ACACA: variants seen among roughly 807,000 people sequenced by gnomAD.
The protein encoded by ACACA is acetyl-CoA carboxylase 1.
Under a neutral mutation model 296.1 loss-of-function variants are expected in ACACA, and 103 were observed. The ratio of observed to expected loss-of-function variants is 0.35; its 90% CI spans 0.30 to 0.41. The LOEUF is 0.41. Among genes scored for constraint, ACACA ranks in the 10% least tolerant of loss-of-function variants. ACACA has a pLI of 1.00. For missense variants in ACACA, 1,554 were observed against 2,989.7 expected (o/e 0.52, Z 11.20); for synonymous variants, 953 against 1,038.6 (o/e 0.92, Z 1.58).
chr17:37,097,679 G>T lies in ACACA; in HGVS notation c.6720+151C>A. The T allele has an allele frequency of 3.1e-6, 3 of 975,162 alleles. No individual in the cohort carries two copies. The highest frequency in any genetic ancestry group is 4.5e-6 in the Non-Finnish European group (3 of 661,956). 60.4% of individuals were successfully genotyped at this position (975,162 alleles called of 1,614,324 possible). A position where few individuals can be genotyped will look rare whatever the true frequency, so the allele number is the denominator to read the frequency against. The stretch of plus-strand genomic sequence containing the variant: ...AGATGATAACAGTTACAGAAACAGT[G>T]AAAATCTAAAAAATATTGAAAATGT... On this transcript the variant is annotated intron_variant, in intron 53 of 55. Coordinates refer to ENST00000616317, the MANE Select transcript of ACACA (RefSeq NM_198834.3). This position sits in a 1 kb window ranked among gnomAD's most constrained non-coding sequence, Gnocchi z 4.8.
intron 41 of ACACA, among the ~76,000 whole-genome samples, chr17:37,166,822 C>T (rs1355027220): frequency 6.6e-6 from 1 of 152,172 alleles, no homozygotes; most frequent in Non-Finnish European, 1.5e-5. Flanking sequence ...TAGTACAGAG[C>T]CTGGCACACA....
At chr17:37,237,845 C>T (rs750875685) in intron 24 of ACACA, among the ~76,000 whole-genome samples, 2 of 152,286 alleles carry the variant, frequency 1.3e-5, no homozygotes, top group South Asian at 2.1e-4. Flanking sequence ...ACTACAGCCT[C>T]GACCTCCCCA....
chr17:37,390,519 C>T (rs111907550), intron 1 of ACACA, among the ~76,000 whole-genome samples: 1,704 of 147,190 alleles, frequency 0.012, 15 homozygotes, highest in Non-Finnish European at 0.017. Context: ...CCCAGCTACT[C>T]GGGAGGCTGA....
intron 41 of ACACA, among the ~76,000 whole-genome samples, chr17:37,166,549 T>G (rs1276724657): frequency 1.3e-5 from 2 of 152,258 alleles, no homozygotes; most frequent in South Asian, 2.1e-4. Context: ...TAAACTATTT[T>G]ATTTTAAAAA....
At chr17:37,302,371 G>A (rs1239627275) in intron 3 of ACACA, among the ~76,000 whole-genome samples, 1 of 152,028 alleles carries the variant, frequency 6.6e-6, no homozygotes, top group Non-Finnish European at 1.5e-5. Flanking sequence ...CACCATGCCA[G>A]GCTAATATTT....
At chr17:37,230,363 A>G (rs898485649) in intron 25 of ACACA, among the ~76,000 whole-genome samples, 4 of 150,888 alleles carry the variant, frequency 2.7e-5, no homozygotes, top group Non-Finnish European at 5.9e-5. Context: ...CAGCCTGGGC[A>G]ATAAGAGCGA....
intron 3 of ACACA, among the ~76,000 whole-genome samples, chr17:37,313,952 G>A (rs541651091): frequency 2.0e-5 from 3 of 151,968 alleles, no homozygotes; most frequent in African/African-American, 7.3e-5. Context: ...TGGAATCAAC[G>A]TAAGGGTCCA....
intron 1 of ACACA, among the ~76,000 whole-genome samples, chr17:37,352,798 G>A (rs990291640): frequency 4.6e-5 from 7 of 151,940 alleles, no homozygotes; most frequent in African/African-American, 1.2e-4. Context: ...CAAGTCCTAC[G>A]GATGTGTTAA....
At chr17:37,174,020 A>ATATTTTTTTTTTTTT (rs552735515) in intron 41 of ACACA, among the ~76,000 whole-genome samples, 4 of 16,796 alleles carry the variant, frequency 2.4e-4, no homozygotes, top group Non-Finnish European at 3.0e-4. Flanking sequence ...ATATATATAT[A>ATATTTTTTTTTTTTT]TTTTTTTTTT....
At chr17:37,307,334 T>C (rs2083928751) in intron 3 of ACACA, among the ~76,000 whole-genome samples, 1 of 152,242 alleles carries the variant, frequency 6.6e-6, no homozygotes. Context: ...CAATTCATAT[T>C]AATACCAGTG....
At chr17:37,249,016 C>T (rs1253657010) in intron 16 of ACACA, among the ~76,000 whole-genome samples, 3 of 152,294 alleles carry the variant, frequency 2.0e-5, no homozygotes, top group African/African-American at 7.2e-5. Flanking sequence ...CTCCCAATTT[C>T]GCCCTCCCCC....
At chr17:37,190,438 A>AAAAG (rs944021829) in intron 38 of ACACA, among the ~76,000 whole-genome samples, 4 of 152,158 alleles carry the variant, frequency 2.6e-5, no homozygotes, top group African/African-American at 4.8e-5. Flanking sequence ...AACAAAAAAA[A>AAAAG]AAAGAAAGAA....
At chr17:37,244,419 T>A (rs577738242) in intron 21 of ACACA, among the ~76,000 whole-genome samples, 169 bp downstream of exon 21, 297 of 151,488 alleles carry the variant, frequency 2.0e-3, no homozygotes, top group Non-Finnish European at 3.1e-3. Flanking sequence ...ATGACAAGGA[T>A]AAGAAACATG....
chr17:37,362,445 A>G (rs1396101139), intron 1 of ACACA, among the ~76,000 whole-genome samples: 1 of 152,218 alleles, frequency 6.6e-6, no homozygotes, highest in Non-Finnish European at 1.5e-5. Context: ...TAAGAAGACA[A>G]AACTAGCACA....
intron 3 of ACACA, among the ~76,000 whole-genome samples, chr17:37,285,195 C>T (rs1010216312): frequency 1.3e-5 from 2 of 152,088 alleles, no homozygotes; most frequent in African/African-American, 4.8e-5. Flanking sequence ...CAAGGTTTAC[C>T]AGCAGATGCC....
At chr17:37,255,165 G>A (rs2081171871) in intron 14 of ACACA, among the ~76,000 whole-genome samples, 1 of 152,044 alleles carries the variant, frequency 6.6e-6, no homozygotes, top group Non-Finnish European at 1.5e-5. Context: ...GAGGTATAAG[G>A]ATAGGAATGA....
At chr17:37,377,654 C>A (rs907116267) in intron 1 of ACACA, among the ~76,000 whole-genome samples, 1 of 137,186 alleles carries the variant, frequency 7.3e-6, no homozygotes. Flanking sequence ...AGTGAGACTC[C>A]GTCTCAATAA....
At chr17:37,336,294 T>C (rs541701781) in intron 2 of ACACA, among the ~76,000 whole-genome samples, 250 of 152,080 alleles carry the variant, frequency 1.6e-3, no homozygotes, top group African/African-American at 5.9e-3. Context: ...CAGGAAGCAG[T>C]TAGAGTGGTT....
intron 29 of ACACA, among the ~76,000 whole-genome samples, chr17:37,215,949 T>A (rs1372590170): frequency 1.3e-5 from 2 of 151,824 alleles, no homozygotes; most frequent in African/African-American, 4.8e-5. Flanking sequence ...AATAATAAAA[T>A]GCTCCCTTAG....
Sources: gnomAD v4.1 joint callset for allele counts (sites outside exome capture counted in the v4.1 genomes callset) on GRCh38, gnomAD v4.1.1 for gene constraint, Gnocchi (gnomAD v3.1) non-coding constraint, MANE v1.5 for transcripts, NCBI Gene and HGNC (gene_info 2026-07-23, HGNC 2026-07-21) for gene names.